The following EYS variants were observed in gnomAD, a reference collection of about 807,000 sequenced individuals.
The protein encoded by EYS is EGF-like photoreceptor maintenance factor.
A neutral mutation model predicts 282.1 loss-of-function variants in EYS; 250 were observed. The ratio of observed to expected loss-of-function variants is 0.89; its 90% CI spans 0.80 to 0.98. The LOEUF (loss-of-function observed/expected upper bound fraction) is 0.98. Among genes scored for constraint, EYS ranks in the 50% least tolerant of loss-of-function variants. The pLI is 0.00. For missense variants in EYS, 4,016 were observed against 3,709.0 expected (o/e 1.08, Z -2.15); for synonymous variants, 1,355 against 1,282.9 (o/e 1.06, Z -1.20).
intron 37 of EYS, among the ~76,000 whole-genome samples, chr6:63,803,049 ATG>A (rs925063258): frequency 1.3e-5 from 2 of 152,158 alleles, no homozygotes; most frequent in African/African-American, 4.8e-5. Context: ...TATATTTTTT[ATG>A]TGTGTGTTAA....
intron 11 of EYS, 137 bp downstream of exon 11, chr6:65,334,843 T>C (rs1256860303): frequency 5.7e-6 from 4 of 700,420 alleles, no homozygotes; most frequent in Admixed American, 2.3e-5. Context: ...TATATATGTA[T>C]ATGTAAGTGT....
At chr6:64,686,891 A>ATATATACGTGTG (rs1491097792) in intron 22 of EYS, among the ~76,000 whole-genome samples, 138 of 44,650 alleles carry the variant, frequency 3.1e-3, no homozygotes, top group African/African-American at 4.9e-3. Context: ...ATACACACAC[A>ATATATACGTGTG]TATATATGTG....
At chr6:64,072,303 C>A (rs1232291390) in intron 32 of EYS, among the ~76,000 whole-genome samples, 1 of 151,760 alleles carries the variant, frequency 6.6e-6, no homozygotes, top group African/African-American at 2.4e-5. Context: ...GTACAATGAG[C>A]AAATTAGCCC....
chr6:64,747,748 G>A (rs73448417), intron 22 of EYS, among the ~76,000 whole-genome samples: 1,771 of 152,278 alleles, frequency 0.012, 40 homozygotes, highest in African/African-American at 0.041. Context: ...CTAGGGGAAA[G>A]ACATAGCACA....
At chr6:65,546,350 A>G (rs991355353) in intron 2 of EYS, among the ~76,000 whole-genome samples, 2 of 150,606 alleles carry the variant, frequency 1.3e-5, no homozygotes, top group African/African-American at 4.9e-5. Flanking sequence ...TAGGTTTTAT[A>G]TCTGGTCATT....
chr6:64,679,475 T>C (rs1217690779), intron 22 of EYS, among the ~76,000 whole-genome samples: 1 of 152,194 alleles, frequency 6.6e-6, no homozygotes, highest in Non-Finnish European at 1.5e-5. Flanking sequence ...CTTACCATTA[T>C]ATATAATACT....
intron 29 of EYS, among the ~76,000 whole-genome samples, chr6:64,356,085 T>C (rs1430461643): frequency 6.6e-6 from 1 of 151,600 alleles, no homozygotes; most frequent in Non-Finnish European, 1.5e-5. Flanking sequence ...GTTTTATTTA[T>C]ATTATCTAAA....
At chr6:65,610,822 G>C (rs1038270104) in intron 2 of EYS, among the ~76,000 whole-genome samples, 10 of 151,974 alleles carry the variant, frequency 6.6e-5, no homozygotes, top group Admixed American at 6.6e-5. Context: ...TGTTTATAAT[G>C]ATCAAAATAT....
intron 2 of EYS, among the ~76,000 whole-genome samples, chr6:65,536,916 A>G (rs1767982236): frequency 1.3e-5 from 2 of 152,310 alleles, no homozygotes; most frequent in Admixed American, 6.5e-5. Flanking sequence ...TGAGAATATT[A>G]TTCTTAAACT....
At chr6:63,981,471 G>A (rs1042272270) in intron 35 of EYS, among the ~76,000 whole-genome samples, 3 of 151,844 alleles carry the variant, frequency 2.0e-5, no homozygotes, top group Non-Finnish European at 4.4e-5. Context: ...AGCTGCCATG[G>A]AGCAGCATGT....
intron 26 of EYS, among the ~76,000 whole-genome samples, chr6:64,567,368 C>A (rs1391076999): frequency 2.0e-5 from 3 of 152,028 alleles, no homozygotes; most frequent in Non-Finnish European, 4.4e-5. Context: ...GGGTTTCTTG[C>A]CATTAATTTA....
At chr6:64,604,542 T>C (rs1766864385) in intron 24 of EYS, among the ~76,000 whole-genome samples, 1 of 152,008 alleles carries the variant, frequency 6.6e-6, no homozygotes, top group Admixed American at 6.6e-5. Context: ...AAACATGAAA[T>C]AGTCACTTCT....
intron 2 of EYS, among the ~76,000 whole-genome samples, chr6:65,512,034 G>A (rs949835557): frequency 2.1e-5 from 3 of 145,778 alleles, no homozygotes; most frequent in African/African-American, 7.6e-5. Context: ...CATATAACTT[G>A]TATATGATAA....
intron 19 of EYS, among the ~76,000 whole-genome samples, chr6:64,827,159 C>A (rs1316242919): frequency 3.3e-5 from 5 of 151,810 alleles, no homozygotes; most frequent in Non-Finnish European, 7.4e-5. Flanking sequence ...TTTTATCAAA[C>A]TGGCTTAAAA....
intron 12 of EYS, among the ~76,000 whole-genome samples, chr6:65,138,981 A>T (rs895741386): frequency 1.3e-5 from 2 of 152,134 alleles, no homozygotes; most frequent in African/African-American, 4.8e-5. Context: ...ATGCACTGCT[A>T]GTGGGAATGT....
At position 64,728,420 on chromosome 6, in the gene EYS, T is replaced by C. The variant is rs978162152; in HGVS notation, c.3443+84958A>G. Among the ~76,000 whole-genome samples, 5 of 152,270 alleles carry C rather than the reference T, an allele frequency of 3.3e-5. No individual in the cohort carries two copies. The East Asian group carries it at 5.8e-4, about 18-fold the overall frequency. ...CACAATCTCGGCTCACTGCAAGCTCTGCCTCCCGGGTTCACCCCATTCTCC... is the reference window on the plus strand; with the variant it reads ...CACAATCTCGGCTCACTGCAAGCTCCGCCTCCCGGGTTCACCCCATTCTCC... On this transcript the variant is annotated intron_variant, in intron 22 of 42. Coordinates refer to ENST00000503581, the MANE Select transcript of EYS (RefSeq NM_001142800.2).
chr6:65,581,515 T>C (rs1764870909), intron 2 of EYS, among the ~76,000 whole-genome samples: 1 of 152,132 alleles, frequency 6.6e-6, no homozygotes, highest in South Asian at 2.1e-4. Context: ...TAATTGCCAA[T>C]GTTCAATACT....
chr6:64,666,172 T>C (rs887948324), intron 22 of EYS, among the ~76,000 whole-genome samples: 1 of 152,166 alleles, frequency 6.6e-6, no homozygotes, highest in African/African-American at 2.4e-5. Context: ...TGAAATAATA[T>C]GTACAGCAAA....
At chr6:65,196,496 A>G (rs1286840936) in intron 12 of EYS, among the ~76,000 whole-genome samples, 1 of 152,088 alleles carries the variant, frequency 6.6e-6, no homozygotes, top group Non-Finnish European at 1.5e-5. Flanking sequence ...TCATTCAATC[A>G]CCTGCATAGG....
Sources: allele counts gnomAD v4.1 joint callset (sites outside exome capture counted in the v4.1 genomes callset), GRCh38; gene constraint gnomAD v4.1.1; transcripts MANE v1.5; gene names NCBI Gene and HGNC (gene_info 2026-07-23, HGNC 2026-07-21).